Variants in LIPI observed in about 807,000 individuals in gnomAD.
The protein encoded by LIPI is lipase I.
LIPI carries 59 observed loss-of-function variants against 50.6 expected under a neutral mutation model. That is an observed-to-expected ratio of 1.16 (90% CI 0.94 to 1.45). The LOEUF (loss-of-function observed/expected upper bound fraction) is 1.45, where lower values mean the gene tolerates loss of function less well. LIPI is among the 40% of genes most tolerant of loss of function. LIPI has a pLI of 0.00. For synonymous variants in LIPI, 203 were observed against 178.2 expected (o/e 1.14, Z -1.11); for missense variants, 586 against 536.3 (o/e 1.09, Z -0.92).
intron 9 of LIPI, among the ~76,000 whole-genome samples, chr21:14,116,312 G>T (rs1479397982): frequency 6.6e-6 from 1 of 152,148 alleles, no homozygotes; most frequent in African/African-American, 2.4e-5. Context: ...GGATGAGCCA[G>T]ACCTAGGTCA....
At chr21:14,168,667 G>C (rs2018780677) in intron 4 of LIPI, among the ~76,000 whole-genome samples, 1 of 152,134 alleles carries the variant, frequency 6.6e-6, no homozygotes, top group Non-Finnish European at 1.5e-5. Flanking sequence ...CAAATGCTGA[G>C]AGATTTTTGT....
intron 4 of LIPI, among the ~76,000 whole-genome samples, chr21:14,167,706 C>T (rs1259670361): frequency 6.6e-6 from 1 of 152,106 alleles, no homozygotes; most frequent in Non-Finnish European, 1.5e-5. Context: ...ACACCAAAAA[C>T]CCATCTGTAC....
At chr21:14,187,670 TG>T (rs1325281430) in intron 2 of LIPI, among the ~76,000 whole-genome samples, 1 of 152,140 alleles carries the variant, frequency 6.6e-6, no homozygotes, top group East Asian at 1.9e-4. Flanking sequence ...TTGGTGGAGA[TG>T]GTTGAATCAA....
intron 1 of LIPI, among the ~76,000 whole-genome samples, chr21:14,207,974 G>A (rs984262679): frequency 3.3e-5 from 5 of 152,096 alleles, no homozygotes; most frequent in African/African-American, 1.2e-4. Context: ...CATGAATCTG[G>A]GTCTTTTAGT....
chr21:14,209,303 T>C (rs2020304871), intron 1 of LIPI, among the ~76,000 whole-genome samples: 1 of 152,230 alleles, frequency 6.6e-6, no homozygotes, highest in African/African-American at 2.4e-5. Flanking sequence ...GTCGTTTCTT[T>C]ATTAAAGGCA....
At chr21:14,124,294 G>A (rs1031622517) in intron 9 of LIPI, among the ~76,000 whole-genome samples, 44 of 152,098 alleles carry the variant, frequency 2.9e-4, no homozygotes, top group African/African-American at 8.9e-4. Context: ...CATTTATAGC[G>A]AGCACCAAAG....
rs186066720 is a variant in LIPI, at chr21:14,110,399, G to T, written c.1296-1319C>A. Among the ~76,000 whole-genome samples, 3 of 151,624 alleles carry T rather than the reference G, an allele frequency of 2.0e-5. No individual in the cohort carries two copies. In the East Asian group the frequency reaches 5.8e-4, roughly 29 times the overall value. ...ATTCTATGTATTCATTATGTACATG[G>T]TGTTTTGAAGAATAAATACATTGTG... is the stretch of plus-strand genomic sequence containing the variant. On this transcript the variant is annotated intron_variant, in intron 9 of 9. Transcript: ENST00000681601.
chr21:14,110,815 C>T (rs2016376785), intron 9 of LIPI, among the ~76,000 whole-genome samples: 1 of 151,292 alleles, frequency 6.6e-6, no homozygotes, highest in Non-Finnish European at 1.5e-5. Context: ...GGATTTCCTT[C>T]TTTATTATGT....
Position 14,184,374 on chromosome 21 carries a change from C to T in LIPI, c.541+1587G>A, listed in dbSNP as rs577868183. Among the ~76,000 whole-genome samples the T allele has an allele frequency of 2.6e-5, 4 of 152,006 alleles. 1 individual carries two copies. The highest frequency in any genetic ancestry group is 4.2e-4 in the South Asian group (2 of 4,806). The stretch of plus-strand genomic sequence containing the variant: ...ATAGCATTAGGCGATATACCTAATG[C>T]TAAATGATGAGTTAATGGGTGCAGC... On this transcript the variant is annotated intron_variant, in intron 3 of 9. Coordinates refer to ENST00000681601, the MANE Select transcript of LIPI (RefSeq NM_001302998.2).
At chr21:14,141,954 G>A (rs2017725691) in intron 9 of LIPI, among the ~76,000 whole-genome samples, 1 of 152,060 alleles carries the variant, frequency 6.6e-6, no homozygotes, top group African/African-American at 2.4e-5. Context: ...TAAATCCCAG[G>A]AAGAAAGCAT....
intron 9 of LIPI, among the ~76,000 whole-genome samples, chr21:14,115,082 G>T (rs1360629140): frequency 6.6e-6 from 1 of 152,046 alleles, no homozygotes; most frequent in Admixed American, 6.6e-5. Flanking sequence ...TCCTTCAAAA[G>T]CTTAGTATAG....
intron 7 of LIPI, among the ~76,000 whole-genome samples, chr21:14,158,899 A>G (rs1474176914): frequency 6.6e-6 from 1 of 151,342 alleles, no homozygotes; most frequent in Non-Finnish European, 1.5e-5. Context: ...AAAAGGACCA[A>G]TTCCCCAAAA....
chr21:14,109,669 G>C (rs2016325585), intron 9 of LIPI, among the ~76,000 whole-genome samples: 1 of 151,998 alleles, frequency 6.6e-6, no homozygotes, highest in South Asian at 2.1e-4. Flanking sequence ...AAAAGCTCAT[G>C]ACCTTAGTAG....
intron 7 of LIPI, among the ~76,000 whole-genome samples, chr21:14,156,018 A>C (rs770903975): frequency 6.6e-6 from 1 of 151,970 alleles, no homozygotes; most frequent in Non-Finnish European, 1.5e-5. Flanking sequence ...AAATGTGGGG[A>C]ATGTAAAGGG....
intron 4 of LIPI, among the ~76,000 whole-genome samples, chr21:14,169,651 T>C (rs1186686565): frequency 6.6e-6 from 1 of 152,202 alleles, no homozygotes; most frequent in Non-Finnish European, 1.5e-5. Flanking sequence ...AATAAAGATG[T>C]TGTTTGAAAC....
At position 14,163,403 on chromosome 21, in the gene LIPI, A is replaced by G. The variant is rs530243730; in HGVS notation, c.1006+16T>C. ...ACTAAAAATTTGTTTATTTGTTAAA[A>G]TTGTTAATAACTTACTACAGAATGG... On this transcript the variant is annotated intron_variant, in intron 7 of 9. Coordinates refer to ENST00000681601, the MANE Select transcript of LIPI (RefSeq NM_001302998.2). 2 of 1,188,154 alleles carry G rather than the reference A, an allele frequency of 1.7e-6. No individual in the cohort carries two copies. Among genetic ancestry groups the G allele is most frequent in the East Asian group, 2.3e-5 (1 of 42,760 alleles). 73.6% of individuals were successfully genotyped at this position (1,188,154 alleles called of 1,614,324 possible).
At chr21:14,160,123 C>T (rs181463140) in intron 7 of LIPI, among the ~76,000 whole-genome samples, 19 of 151,186 alleles carry the variant, frequency 1.3e-4, no homozygotes, top group South Asian at 4.2e-4. Flanking sequence ...ATATAGACAA[C>T]GTTATGCTAA....
At chr21:14,178,914 C>G (rs370961136) in intron 4 of LIPI, among the ~76,000 whole-genome samples, 5 of 152,202 alleles carry the variant, frequency 3.3e-5, no homozygotes, top group Admixed American at 2.6e-4. Flanking sequence ...AATTCAGAAT[C>G]TACTTAAACA....
chr21:14,171,232 A>C (rs1226612451), intron 4 of LIPI, among the ~76,000 whole-genome samples: 2 of 150,358 alleles, frequency 1.3e-5, no homozygotes, highest in African/African-American at 4.9e-5. Flanking sequence ...AAACAAATGG[A>C]AGAACATTCC....
Sources: allele counts gnomAD v4.1 joint callset (sites outside exome capture counted in the v4.1 genomes callset), GRCh38; gene constraint gnomAD v4.1.1; transcripts MANE v1.5; gene names NCBI Gene and HGNC (gene_info 2026-07-23, HGNC 2026-07-21).